KIAA1328: variants seen among roughly 807,000 people sequenced by gnomAD.
The protein encoded by KIAA1328 is protein hinderin.
Under a neutral mutation model 68.1 loss-of-function variants are expected in KIAA1328, and 52 were observed. The ratio of observed to expected loss-of-function variants is 0.76; its 90% CI spans 0.61 to 0.96. KIAA1328 has a LOEUF of 0.96. Ranked by LOEUF, KIAA1328 falls within the 40% of genes least tolerant of loss-of-function variation. KIAA1328 has a pLI of 0.00. For missense variants in KIAA1328, 641 were observed against 677.6 expected (o/e 0.95, Z 0.60); for synonymous variants, 232 against 239.4 (o/e 0.97, Z 0.28).
At chr18:37,209,445 CTA>C (rs368213734) in intron 9 of KIAA1328, among the ~76,000 whole-genome samples, 2 of 150,210 alleles carry the variant, frequency 1.3e-5, no homozygotes. Flanking sequence ...GGGCAATAGG[CTA>C]TATATATATA....
chr18:36,933,742 C>G (rs1466546827), intron 5 of KIAA1328, among the ~76,000 whole-genome samples: 1 of 152,170 alleles, frequency 6.6e-6, no homozygotes, highest in African/African-American at 2.4e-5. Flanking sequence ...ATAAAGCATC[C>G]AGGCTGGGCA....
At chr18:37,072,865 C>T (rs368155833) in intron 7 of KIAA1328, among the ~76,000 whole-genome samples, 15 of 152,206 alleles carry the variant, frequency 9.9e-5, no homozygotes, top group South Asian at 4.1e-4. Flanking sequence ...TGAGAACATG[C>T]GGTATTTGAT....
At chr18:36,861,361 T>G (rs2047560498) in intron 4 of KIAA1328, among the ~76,000 whole-genome samples, 1 of 152,174 alleles carries the variant, frequency 6.6e-6, no homozygotes, top group African/African-American at 2.4e-5. Flanking sequence ...GTGTGCTAGG[T>G]TTCTCCCCTG....
chr18:37,063,973 A>G (rs1019489953), intron 6 of KIAA1328, among the ~76,000 whole-genome samples: 55 of 152,156 alleles, frequency 3.6e-4, no homozygotes, highest in African/African-American at 1.3e-3. Flanking sequence ...CTTTTAGTAA[A>G]AGATAGTTTA....
At chr18:37,076,590 G>A (rs1473841805) in intron 7 of KIAA1328, among the ~76,000 whole-genome samples, 3 of 151,726 alleles carry the variant, frequency 2.0e-5, no homozygotes, top group Non-Finnish European at 4.4e-5. Flanking sequence ...CCGCTAGCAA[G>A]ACTAATAAAG....
chr18:36,939,627 G>GT (rs2050631998), intron 5 of KIAA1328, among the ~76,000 whole-genome samples: 1 of 151,882 alleles, frequency 6.6e-6, no homozygotes, highest in South Asian at 2.1e-4. Context: ...CCAGCACTAC[G>GT]TTGAATAAAA....
intron 4 of KIAA1328, among the ~76,000 whole-genome samples, chr18:36,883,877 T>C (rs2048400755): frequency 6.6e-6 from 1 of 151,110 alleles, no homozygotes; most frequent in African/African-American, 2.4e-5. Flanking sequence ...TAAATCATAG[T>C]ATGGTATGTC....
chr18:37,054,144 T>TA (rs2055816131), intron 6 of KIAA1328, among the ~76,000 whole-genome samples: 1 of 151,988 alleles, frequency 6.6e-6, no homozygotes, highest in African/African-American at 2.4e-5. Flanking sequence ...TATTAAAATG[T>TA]AAAAAAATGT....
At chr18:37,220,677 C>T (rs185857382) in intron 9 of KIAA1328, among the ~76,000 whole-genome samples, 1 of 152,326 alleles carries the variant, frequency 6.6e-6, no homozygotes, top group East Asian at 1.9e-4. Flanking sequence ...ATTTTTGCCA[C>T]AGGGATGGGC....
chr18:37,048,426 A>G (rs192396219), intron 6 of KIAA1328, among the ~76,000 whole-genome samples: 52 of 152,238 alleles, frequency 3.4e-4, no homozygotes, highest in African/African-American at 1.0e-3. Flanking sequence ...TAACAACTCA[A>G]CAAAGTAGGA....
chr18:37,050,290 G>A (rs765379369), intron 6 of KIAA1328, among the ~76,000 whole-genome samples: 9 of 152,018 alleles, frequency 5.9e-5, no homozygotes, highest in South Asian at 4.1e-4. Context: ...TTTATGTTGC[G>A]TCCTTAAATG....
chr18:37,047,876 C>T (rs545709585), intron 6 of KIAA1328, among the ~76,000 whole-genome samples: 57 of 152,122 alleles, frequency 3.7e-4, no homozygotes, highest in African/African-American at 1.3e-3. Context: ...CCATCCTGCC[C>T]GCTCATCTCA....
intron 4 of KIAA1328, among the ~76,000 whole-genome samples, chr18:36,863,434 G>T (rs1220989512): frequency 6.6e-6 from 1 of 152,048 alleles, no homozygotes; most frequent in Non-Finnish European, 1.5e-5. Context: ...ACTATAGTAA[G>T]CCTTAATACT....
intron 6 of KIAA1328, among the ~76,000 whole-genome samples, chr18:37,006,367 C>A (rs1379276819): frequency 6.6e-6 from 1 of 151,854 alleles, no homozygotes; most frequent in Admixed American, 6.6e-5. Flanking sequence ...ACACATAAAA[C>A]AATAAAACAT....
chr18:37,098,685 C>G (rs911838604), intron 7 of KIAA1328, among the ~76,000 whole-genome samples: 3 of 152,124 alleles, frequency 2.0e-5, no homozygotes, highest in African/African-American at 7.2e-5. Context: ...TAGAATTCGG[C>G]TGTGAATCCG....
chr18:37,053,058 A>C (rs991101754), intron 6 of KIAA1328, among the ~76,000 whole-genome samples: 2 of 152,196 alleles, frequency 1.3e-5, no homozygotes, highest in Non-Finnish European at 2.9e-5. Flanking sequence ...AAAAAGAACA[A>C]AGCTGGAGGC....
chr18:37,021,066 A>T (rs183976914), intron 6 of KIAA1328, among the ~76,000 whole-genome samples: 1 of 152,260 alleles, frequency 6.6e-6, no homozygotes, highest in East Asian at 1.9e-4. Flanking sequence ...TTTGTATAGG[A>T]CTCCCCAAAT....
At chr18:37,181,154 A>G (rs755259689) in intron 9 of KIAA1328, among the ~76,000 whole-genome samples, 10 of 152,176 alleles carry the variant, frequency 6.6e-5, no homozygotes, top group Non-Finnish European at 1.5e-4. Flanking sequence ...AACATTAACC[A>G]TAACTTTTCC....
chr18:37,005,060 G>A (rs2053729371), intron 6 of KIAA1328, among the ~76,000 whole-genome samples: 1 of 152,056 alleles, frequency 6.6e-6, no homozygotes, highest in Non-Finnish European at 1.5e-5. Flanking sequence ...AGGAGGCAAA[G>A]GCATAAGAAT....
Sources: allele counts gnomAD v4.1 joint callset (sites outside exome capture counted in the v4.1 genomes callset), GRCh38; gene constraint gnomAD v4.1.1; transcripts MANE v1.5; gene names NCBI Gene and HGNC (gene_info 2026-07-23, HGNC 2026-07-21).